The following SUN3 variants were observed in gnomAD, a reference collection of about 807,000 sequenced individuals.
SUN3 encodes Sad1 and UNC84 domain containing 3.
Under a neutral mutation model 48.2 loss-of-function variants are expected in SUN3, and 36 were observed. The ratio of observed to expected loss-of-function variants is 0.75; its 90% CI spans 0.57 to 0.99. The LOEUF (loss-of-function observed/expected upper bound fraction) is 0.99, where lower values mean the gene tolerates loss of function less well. Ranked by LOEUF, SUN3 falls within the 50% of genes least tolerant of loss-of-function variation. SUN3 has a pLI of 0.00. For missense variants in SUN3, 419 were observed against 433.1 expected (o/e 0.97, Z 0.29); for synonymous variants, 148 against 147.9 (o/e 1.00, Z 0.00).
chr7:48,008,896 T>A, intron 4 of SUN3, 139 bp downstream of exon 4: 1 of 703,764 alleles, frequency 1.4e-6, no homozygotes. Flanking sequence ...TCATTAAATA[T>A]TAATAATAGT....
At chr7:48,032,257 T>C (rs1790265523), upstream of SUN3, among the ~76,000 whole-genome samples, 1 of 152,212 alleles carries the variant, frequency 6.6e-6, no homozygotes, top group African/African-American at 2.4e-5. Context: ...TAGATAGATC[T>C]CAAGTGTTCT....
intron 6 of SUN3, among the ~76,000 whole-genome samples, chr7:47,996,648 A>C (rs1789220471): frequency 6.6e-6 from 1 of 152,218 alleles, no homozygotes; most frequent in Non-Finnish European, 1.5e-5. Flanking sequence ...TTATCCCTTC[A>C]GGTTACTTCA....
intron 8 of SUN3, among the ~76,000 whole-genome samples, chr7:47,990,755 G>T (rs1789035628): frequency 6.6e-6 from 1 of 151,784 alleles, no homozygotes; most frequent in African/African-American, 2.4e-5. Context: ...GGATCTGATG[G>T]AATACTATGC....
At position 48,008,964 on chromosome 7, in the gene SUN3, T is replaced by C. The variant is rs552638953; in HGVS notation, c.329+71A>G. ...GGGAGTAACTTTTCTTTCTTATACT[T>C]TTCTGTACGAAAACATTTCAGTATT... On this transcript the variant is annotated intron_variant, in intron 4 of 9. Coordinates refer to ENST00000297325, the MANE Select transcript of SUN3 (RefSeq NM_001030019.2). 2.0e-6 allele frequency: 3 copies of C among 1,472,702 alleles called. No homozygotes were observed. In the African/African-American group the frequency reaches 4.2e-5, roughly 21 times the overall value. 91.2% of individuals were successfully genotyped at this position (1,472,702 alleles called of 1,614,324 possible). A position where few individuals can be genotyped will look rare whatever the true frequency, so the allele number is the denominator to read the frequency against.
chr7:47,995,795 A>C (rs1163750644), intron 7 of SUN3, among the ~76,000 whole-genome samples: 1 of 152,234 alleles, frequency 6.6e-6, no homozygotes, highest in Non-Finnish European at 1.5e-5. Flanking sequence ...AAAATAATCT[A>C]GTTTACTAAT....
intron 3 of SUN3, among the ~76,000 whole-genome samples, 196 bp downstream of exon 3, chr7:48,017,066 T>G (rs1789834098): frequency 6.6e-6 from 1 of 152,222 alleles, no homozygotes; most frequent in South Asian, 2.1e-4. Context: ...ACTGTTACAA[T>G]GGCAATTAAA....
chr7:48,006,072 C>T lies in SUN3; in HGVS notation c.493-19G>A. 6.6e-7 allele frequency: 1 copy of T among 1,512,970 alleles called. No homozygotes were observed. Among genetic ancestry groups the T allele is most frequent in the Middle Eastern group, 1.7e-4 (1 of 5,800 alleles). The allele number at this position is 1,512,970 out of a possible 1,614,324, so 93.7% of individuals were successfully genotyped here. Reference sequence around the variant, plus strand: ...ACACTTCCTGTAGAAATTTTATAAACAGTTTTCTGTTAACAATCTTTGCCA... The same window carrying T: ...ACACTTCCTGTAGAAATTTTATAAATAGTTTTCTGTTAACAATCTTTGCCA... On this transcript the variant is annotated intron_variant, in intron 5 of 9. Coordinates refer to ENST00000297325, the MANE Select transcript of SUN3 (RefSeq NM_001030019.2).
the SUN3 span, chr7:48,035,676 C>T: frequency 3.2e-6 from 2 of 630,892 alleles, no homozygotes; most frequent in Admixed American, 4.8e-5. This position sits in a 1 kb window ranked among gnomAD's most constrained non-coding sequence, Gnocchi z 4.0. Flanking sequence ...CCACTGTGGT[C>T]CCGGGCCTTG....
chr7:48,006,012 T>C lies in SUN3; in HGVS notation c.534A>G (p.Arg178=), dbSNP rs1169827555. Residue 178 remains arginine, a synonymous_variant, in exon 6 of 10, where the codon AGA becomes AGG. Transcript: ENST00000297325. ...NLVNYVLKKL[R]EDQVEMADYA... ...AATCAGCCATCTCGACTTGGTCTTCTCTCAACTTTTTAAGTACATAATTGA... is the reference window on the plus strand; with the variant it reads ...AATCAGCCATCTCGACTTGGTCTTCCCTCAACTTTTTAAGTACATAATTGA... 1 of 1,613,640 alleles carries C rather than the reference T, an allele frequency of 6.2e-7. No individual in the cohort carries two copies.
intron 8 of SUN3, among the ~76,000 whole-genome samples, chr7:47,990,615 T>G (rs1319729531): frequency 6.6e-6 from 1 of 152,018 alleles, no homozygotes; most frequent in Non-Finnish European, 1.5e-5. Context: ...CGCCCACAGG[T>G]GGGGAGGGGC....
intron 6 of SUN3, among the ~76,000 whole-genome samples, chr7:48,001,604 GCTCACTGCAAGCTCCGC>G (rs1789378559): frequency 7.0e-6 from 1 of 142,034 alleles, no homozygotes; most frequent in Non-Finnish European, 1.5e-5. Context: ...TGCAATCTTG[GCTCACTGCAAGCTCCGC>G]CTCCCAGGTT....
intron 8 of SUN3, among the ~76,000 whole-genome samples, chr7:47,989,733 A>G (rs1788999147): frequency 6.6e-6 from 1 of 152,236 alleles, no homozygotes; most frequent in Admixed American, 6.5e-5. Flanking sequence ...AGAAGTAGGC[A>G]TAAGAGACTC....
At chr7:48,033,280 G>C (rs973305889), upstream of SUN3, among the ~76,000 whole-genome samples, 5 of 152,166 alleles carry the variant, frequency 3.3e-5, no homozygotes, top group Non-Finnish European at 5.9e-5. Context: ...TCAAAAGTTG[G>C]CTAGGTGTGG....
At chr7:48,028,418 G>C (rs1790192327) in intron 1 of SUN3, among the ~76,000 whole-genome samples, 1 of 125,328 alleles carries the variant, frequency 8.0e-6, no homozygotes, top group African/African-American at 3.0e-5. Flanking sequence ...TCTGTGCCCA[G>C]AGTCCTGAGC....
At chr7:48,034,726 G>A in the SUN3 span, among the ~76,000 whole-genome samples, 1 of 152,106 alleles carries the variant, frequency 6.6e-6, no homozygotes, top group Non-Finnish European at 1.5e-5. Context: ...AGCACCATTG[G>A]TAATATACTC....
intron 7 of SUN3, 141 bp from the exon 8 acceptor site, chr7:47,994,623 T>G: frequency 1.2e-6 from 1 of 801,940 alleles, no homozygotes. Context: ...CTAGTGTGGT[T>G]GTTCTTCCAG....
At chr7:47,996,260 G>T in intron 6 of SUN3, 114 bp from the exon 7 acceptor site, 3 of 589,902 alleles carry the variant, frequency 5.1e-6, no homozygotes, top group South Asian at 2.6e-5. Flanking sequence ...TTATAAGCGA[G>T]GTAAAATTCA....
chr7:47,994,283 A>C (rs774735476), intron 8 of SUN3, 32 bp downstream of exon 8: 2 of 1,610,568 alleles, frequency 1.2e-6, no homozygotes, highest in East Asian at 4.5e-5. Context: ...CTATCAGGCC[A>C]ATCTGAATGA....
At chr7:48,012,223 T>C (rs1047303787) in intron 3 of SUN3, among the ~76,000 whole-genome samples, 2 of 152,148 alleles carry the variant, frequency 1.3e-5, no homozygotes, top group African/African-American at 2.4e-5. Flanking sequence ...CCAGGGATAT[T>C]GTTTTCAGCA....
Sources: allele counts gnomAD v4.1 joint callset (sites outside exome capture counted in the v4.1 genomes callset), GRCh38; gene constraint gnomAD v4.1.1; non-coding constraint Gnocchi (gnomAD v3.1); transcripts MANE v1.5; gene names NCBI Gene and HGNC (gene_info 2026-07-23, HGNC 2026-07-21).